RAB38: variants seen among roughly 807,000 people sequenced by gnomAD.
The protein encoded by RAB38 is RAB38, member RAS oncogene family, also known as ras-related protein Rab-38.
Under a neutral mutation model 18.4 loss-of-function variants are expected in RAB38, and 15 were observed. The ratio of observed to expected loss-of-function variants is 0.82; its 90% CI spans 0.55 to 1.26. RAB38 has a LOEUF of 1.26. RAB38 is among the 50% of genes most tolerant of loss of function. The pLI is 0.00. For missense variants in RAB38, 294 were observed against 267.4 expected (o/e 1.10, Z -0.69); for synonymous variants, 101 against 104.4 (o/e 0.97, Z 0.20).
At chr11:88,051,474 T>G in the RAB38 span, among the ~76,000 whole-genome samples, 2 of 151,360 alleles carry the variant, frequency 1.3e-5, no homozygotes, top group African/African-American at 4.9e-5. Flanking sequence ...AAAACTCAAC[T>G]GACATTGGAA....
chr11:88,114,847 T>G (rs1476423154), intron 2 of RAB38, among the ~76,000 whole-genome samples: 1 of 152,208 alleles, frequency 6.6e-6, no homozygotes, highest in Non-Finnish European at 1.5e-5. Flanking sequence ...GCCCATGCTA[T>G]GTAGTGTGCA....
chr11:87,926,897 T>C, the RAB38 span, among the ~76,000 whole-genome samples: 1 of 152,010 alleles, frequency 6.6e-6, no homozygotes, highest in Admixed American at 6.6e-5. Flanking sequence ...TTTGTTTTGA[T>C]GCATTCTAGA....
At chr11:87,941,239 A>ATATATATG in the RAB38 span, among the ~76,000 whole-genome samples, 1 of 130,438 alleles carries the variant, frequency 7.7e-6, no homozygotes, top group South Asian at 2.5e-4. Flanking sequence ...ATATATATAT[A>ATATATATG]TATATATGTA....
chr11:88,114,863 A>G (rs1220175800), intron 2 of RAB38, among the ~76,000 whole-genome samples: 2 of 152,252 alleles, frequency 1.3e-5, no homozygotes, highest in African/African-American at 2.4e-5. Context: ...GTGCATGAGA[A>G]TGATGATCTT....
At chr11:87,957,951 C>T in the RAB38 span, among the ~76,000 whole-genome samples, 9 of 151,928 alleles carry the variant, frequency 5.9e-5, no homozygotes, top group Non-Finnish European at 1.3e-4. Context: ...AATCACTTTC[C>T]AAATATCACT....
the RAB38 span, among the ~76,000 whole-genome samples, chr11:87,845,088 T>C: frequency 3.2e-4 from 48 of 152,234 alleles, no homozygotes; most frequent in African/African-American, 1.1e-3. Flanking sequence ...GAAAGTAAAA[T>C]AGAATTTGTT....
intron 1 of RAB38, chr11:88,165,636 C>T (rs1416866401): frequency 1.3e-5 from 2 of 152,030 alleles, no homozygotes; most frequent in African/African-American, 4.8e-5. Flanking sequence ...TTAAATAATA[C>T]ATCAGAATAA....
chr11:87,910,507 G>C, the RAB38 span, among the ~76,000 whole-genome samples: 3 of 151,228 alleles, frequency 2.0e-5, no homozygotes, highest in African/African-American at 7.3e-5. Context: ...TTCTGCTTTT[G>C]ATAAAATATC....
At chr11:88,053,219 CATATATATGGAATATATATAT>C in the RAB38 span, among the ~76,000 whole-genome samples, 5 of 107,704 alleles carry the variant, frequency 4.6e-5, no homozygotes, top group East Asian at 2.3e-4. Flanking sequence ...TATATACACA[CATATATATGGAATATATATAT>C]ACACACATAT....
At chr11:88,075,744 G>C in the RAB38 span, among the ~76,000 whole-genome samples, 1 of 152,080 alleles carries the variant, frequency 6.6e-6, no homozygotes, top group African/African-American at 2.4e-5. Context: ...AGCCAGGCAT[G>C]GTGGTGCATG....
intron 1 of RAB38, among the ~76,000 whole-genome samples, chr11:88,155,296 T>C (rs949008953): frequency 6.6e-6 from 1 of 152,126 alleles, no homozygotes; most frequent in African/African-American, 2.4e-5. Context: ...ACAGAGAGCT[T>C]CCGCCAGTAA....
chr11:88,108,595 CA>C (rs1441972361), downstream of RAB38, among the ~76,000 whole-genome samples: 3 of 152,268 alleles, frequency 2.0e-5, no homozygotes, highest in Middle Eastern at 3.4e-3. Context: ...ACTCTTTATC[CA>C]ATTTGCCAGT....
At chr11:87,959,722 T>C in the RAB38 span, among the ~76,000 whole-genome samples, 1 of 152,312 alleles carries the variant, frequency 6.6e-6, no homozygotes, top group Admixed American at 6.5e-5. Flanking sequence ...AATTACTTGT[T>C]TTCCTTTCTC....
chr11:88,125,962 T>C (rs1591158187), intron 2 of RAB38, among the ~76,000 whole-genome samples: 1 of 152,368 alleles, frequency 6.6e-6, no homozygotes, highest in African/African-American at 2.4e-5. Context: ...GCACCATTTA[T>C]TAAACAGGGA....
At chr11:87,936,043 T>G in the RAB38 span, among the ~76,000 whole-genome samples, 1 of 152,158 alleles carries the variant, frequency 6.6e-6, no homozygotes, top group Non-Finnish European at 1.5e-5. Context: ...TTCTTTATTA[T>G]AAACACTAGT....
At chr11:88,076,956 C>CAAAAAAAAAAAAAAAAAAAAAAAAAAAA in the RAB38 span, among the ~76,000 whole-genome samples, 1 of 42,914 alleles carries the variant, frequency 2.3e-5, no homozygotes, top group Non-Finnish European at 4.0e-5. Context: ...GAGACTCCAT[C>CAAAAAAAAAAAAAAAAAAAAAAAAAAAA]AAAAAAAAAA....
At chr11:87,820,122 A>G in the RAB38 span, among the ~76,000 whole-genome samples, 3 of 152,190 alleles carry the variant, frequency 2.0e-5, no homozygotes, top group Admixed American at 6.5e-5. Flanking sequence ...TGGAAACTCA[A>G]AGAACTAATT....
the RAB38 span, among the ~76,000 whole-genome samples, chr11:88,106,291 G>A: frequency 4.6e-5 from 7 of 151,956 alleles, no homozygotes; most frequent in African/African-American, 7.3e-5. Context: ...TCAGAGCAGC[G>A]AATTGATAGC....
At chr11:87,809,494 A>G in the RAB38 span, among the ~76,000 whole-genome samples, 2 of 152,200 alleles carry the variant, frequency 1.3e-5, no homozygotes, top group East Asian at 1.9e-4. Flanking sequence ...GCTTATCACC[A>G]CTTTGTGTAG....
Sources: gnomAD v4.1 joint callset for allele counts (sites outside exome capture counted in the v4.1 genomes callset) on GRCh38, gnomAD v4.1.1 for gene constraint, MANE v1.5 for transcripts, NCBI Gene and HGNC (gene_info 2026-07-23, HGNC 2026-07-21) for gene names.